Variants in FCRL1 observed in about 807,000 individuals in gnomAD.
FCRL1 encodes Fc receptor-like protein 1.
FCRL1 carries 34 observed loss-of-function variants against 49.2 expected under a neutral mutation model. The ratio of observed to expected loss-of-function variants is 0.69; its 90% confidence interval spans 0.53 to 0.92. FCRL1 has a LOEUF of 0.92. Among genes scored for constraint, FCRL1 ranks in the 40% least tolerant of loss-of-function variants. The probability of loss-of-function intolerance (pLI) is 0.00; values close to 1 mark genes in which losing one functional copy is unlikely to be tolerated. For missense variants in FCRL1, 524 were observed against 524.1 expected, an observed-to-expected ratio of 1.00 and a Z score of 0.00; for synonymous variants, 218 against 201.6, an observed-to-expected ratio of 1.08 and a Z score of -0.69.
At chr1:157,808,185 G>A (rs1216419580) in intron 1 of FCRL1, among the ~76,000 whole-genome samples, 1 of 152,182 alleles carries the variant, frequency 6.6e-6, no homozygotes, top group Non-Finnish European at 1.5e-5. Flanking sequence ...GCCCTGGAGT[G>A]ATGGGAGTAA....
chr1:157,814,936 T>G (rs1654825393), intron 1 of FCRL1, among the ~76,000 whole-genome samples: 1 of 151,924 alleles, frequency 6.6e-6, no homozygotes, highest in South Asian at 2.1e-4. Flanking sequence ...CATCCAACAC[T>G]AGAGCACCCA....
intron 1 of FCRL1, among the ~76,000 whole-genome samples, chr1:157,814,229 C>T (rs1261344500): frequency 1.3e-5 from 2 of 152,068 alleles, no homozygotes; most frequent in African/African-American, 2.4e-5. Context: ...TTTCAAATAT[C>T]TACTATGATG....
rs1651345691 is a variant in FCRL1, at chr1:157,795,531, TAAGTG to T, written c.*563_*567del. On this transcript the variant is annotated 3_prime_UTR_variant, in exon 11 of 11. Coordinates refer to ENST00000368176, the MANE Select transcript of FCRL1 (RefSeq NM_052938.5). ...ATATACAAAAATACGTCACTAAAATTAAGTGGAGTCACAATAACTTTTTATGTAAC... is the reference window on the plus strand; with the variant it reads ...ATATACAAAAATACGTCACTAAAATTGAGTCACAATAACTTTTTATGTAAC... 1 of 152,460 alleles carries T rather than the reference TAAGTG, an allele frequency of 6.6e-6. No homozygotes were observed. The highest frequency in any genetic ancestry group is 2.4e-5 in the African/African-American group (1 of 41,452). The allele number at this position is 152,460 out of a possible 1,614,324, so 9.4% of individuals were successfully genotyped here.
chr1:157,806,468 T>A (rs945152439), intron 2 of FCRL1, among the ~76,000 whole-genome samples: 1 of 152,190 alleles, frequency 6.6e-6, no homozygotes, highest in African/African-American at 2.4e-5. Flanking sequence ...GATTGCTTAC[T>A]CTCCTTCTTT....
chr1:157,802,264 T>A (rs1406332734), intron 4 of FCRL1, 71 bp from the exon 5 acceptor site: 16 of 1,576,134 alleles, frequency 1.0e-5, no homozygotes, highest in Non-Finnish European at 1.4e-5. Flanking sequence ...TGCCCACCGA[T>A]GCTCAGCCCC....
intron 6 of FCRL1, among the ~76,000 whole-genome samples, 155 bp downstream of exon 6, chr1:157,801,306 T>C (rs1186698203): frequency 1.3e-5 from 2 of 152,196 alleles, no homozygotes; most frequent in Admixed American, 6.5e-5. Context: ...ACTGTATTAA[T>C]AGGCACTGTT....
At position 157,801,909 on chromosome 1, in the gene FCRL1, C is replaced by T. The variant is rs1212443114; in HGVS notation, c.886+6G>A. 1 of 1,610,112 alleles carries T rather than the reference C, an allele frequency of 6.2e-7. No individual in the cohort carries two copies. Among genetic ancestry groups the T allele is most frequent in the Non-Finnish European group, 8.5e-7 (1 of 1,177,992 alleles). On this transcript the variant is annotated splice_donor_region_variant and intron_variant, in intron 5 of 10. Transcript: ENST00000368176. ...GACCAAGACAGTTCCATAGCCTGAG[C>T]TATACCTGTGAAGTTGAGTGTCACC...
intron 7 of FCRL1, 86 bp from the exon 8 acceptor site, chr1:157,798,329 A>G (rs1651880819): frequency 8.6e-7 from 1 of 1,161,592 alleles, no homozygotes; most frequent in Non-Finnish European, 1.2e-6. Flanking sequence ...AGCCTGTGAC[A>G]AATTGTCCTG....
At position 157,799,949 on chromosome 1, in the gene FCRL1, T is replaced by A. The variant is rs1419327409; in HGVS notation, c.1031+109A>T. 5 of 878,422 alleles carry A rather than the reference T, an allele frequency of 5.7e-6. No individual in the cohort carries two copies. In the African/African-American group the frequency reaches 6.8e-5, roughly 12 times the overall value. The allele number at this position is 878,422 out of a possible 1,614,324, so 54.4% of individuals were successfully genotyped here. A position where few individuals can be genotyped will look rare whatever the true frequency, so the allele number is the denominator to read the frequency against. On this transcript the variant is annotated intron_variant, in intron 7 of 10. Transcript: ENST00000368176. ...AGTGGGAGAACTCAGGAGTGAGTTC[T>A]GGGTATAATAAAGCCGGAAAAAAAA...
At chr1:157,814,282 G>A (rs1654734852) in intron 1 of FCRL1, among the ~76,000 whole-genome samples, 1 of 152,076 alleles carries the variant, frequency 6.6e-6, no homozygotes, top group African/African-American at 2.4e-5. Flanking sequence ...GCTGTGATAA[G>A]TTGTTAAGAA....
Position 157,820,029 on chromosome 1 carries a change from C to T in FCRL1, c.9G>A (p.Pro3=), listed in dbSNP as rs914636202. 4.3e-6 allele frequency: 7 copies of T among 1,614,090 alleles called. No individual in the cohort carries two copies. The highest frequency in any genetic ancestry group is 1.7e-4 in the Middle Eastern group (1 of 6,056). The change falls in exon 1 of 11, where the codon CCG becomes CCA. Residue 3 remains proline (P), a synonymous_variant. Transcript: ENST00000368176. ...CACCACAGATCAACAGCAACAGCCT[C>T]GGCAGCATGAGGACCAGGTCAGGGA... ML[P]RLLLLICAPL...
In FCRL1 at chr1:157,816,591, A is replaced by G. The variant is rs76675739; in HGVS notation, c.31+3416T>C. On this transcript the variant is annotated intron_variant, in intron 1 of 10. Transcript: ENST00000368176. ...AACATAATAATTGAAGTCCTAGCCA[A>G]AGTATTAGGCAAGAGAAAGAAAGAA... Among the ~76,000 whole-genome samples, 1,208 of 151,910 alleles carry G rather than the reference A, an allele frequency of 8.0e-3. 15 individuals are homozygous for G. Among genetic ancestry groups the G allele is most frequent in the Non-Finnish European group, 0.013 (858 of 67,780 alleles).
intron 6 of FCRL1, 91 bp from the exon 7 acceptor site, chr1:157,800,176 G>T (rs1652210381): frequency 1.6e-6 from 2 of 1,278,296 alleles, no homozygotes; most frequent in Non-Finnish European, 2.2e-6. Flanking sequence ...ACAGGGATAT[G>T]CCTCATGCTC....
rs532010045 is a variant in FCRL1, at chr1:157,817,360, G to A, written c.31+2647C>T. ...ACCAATGAAACAGAATAGAGAGCCCGGAAATAAATCCACACATTTATAGCC... is the reference window on the plus strand; with the variant it reads ...ACCAATGAAACAGAATAGAGAGCCCAGAAATAAATCCACACATTTATAGCC... On this transcript the variant is annotated intron_variant, in intron 1 of 10. Coordinates refer to ENST00000368176, the MANE Select transcript of FCRL1 (RefSeq NM_052938.5). 3.2e-4 allele frequency among the ~76,000 whole-genome samples: 49 copies of A among 151,938 alleles called. 1 individual carries two copies. The highest frequency in any genetic ancestry group is 2.8e-3 in the Admixed American group (43 of 15,262).
At chr1:157,812,223 G>C (rs549312766) in intron 1 of FCRL1, among the ~76,000 whole-genome samples, 1 of 152,282 alleles carries the variant, frequency 6.6e-6, no homozygotes, top group Non-Finnish European at 1.5e-5. Flanking sequence ...GCCCTCTGAA[G>C]CCTGAGCTGC....
At chr1:157,797,248 T>C (rs1651656080) in intron 9 of FCRL1, 116 bp from the exon 10 acceptor site, 2 of 1,047,036 alleles carry the variant, frequency 1.9e-6, no homozygotes, top group Non-Finnish European at 3.0e-6. Context: ...TGATTTCCAT[T>C]AATATTTTCT....
intron 2 of FCRL1, 66 bp downstream of exon 2, chr1:157,807,036 C>G: frequency 1.3e-6 from 2 of 1,584,298 alleles, no homozygotes; most frequent in Middle Eastern, 1.7e-4. Flanking sequence ...ATCTGCAGGC[C>G]TCCTGTGCTG....
intron 1 of FCRL1, among the ~76,000 whole-genome samples, chr1:157,815,103 A>C (rs928424199): frequency 5.3e-5 from 8 of 151,982 alleles, no homozygotes; most frequent in Admixed American, 4.6e-4. Context: ...TAGACAAAAT[A>C]ATCCTAATGG....
chr1:157,809,999 G>A (rs1341546732), intron 1 of FCRL1, among the ~76,000 whole-genome samples: 2 of 152,144 alleles, frequency 1.3e-5, no homozygotes, highest in East Asian at 3.9e-4. Context: ...AGCAGAATAT[G>A]ATATTCCAGA....
Sources: allele counts gnomAD v4.1 joint callset (sites outside exome capture counted in the v4.1 genomes callset), GRCh38; gene constraint gnomAD v4.1.1; transcripts MANE v1.5; gene names NCBI Gene and HGNC (gene_info 2026-07-23, HGNC 2026-07-21).